Variants in EFL1 observed in about 807,000 individuals in gnomAD.
EFL1 encodes the protein elongation factor like GTPase 1, also known as elongation factor-like GTPase 1.
A neutral mutation model predicts 126.7 loss-of-function variants in EFL1; 76 were observed. The observed-to-expected ratio is 0.60, with a 90% CI of 0.50 to 0.73. The LOEUF is 0.73. Among genes scored for constraint, EFL1 ranks in the 30% least tolerant of loss-of-function variants. The pLI, the probability that EFL1 is intolerant of heterozygous loss-of-function variation, is 0.00. For synonymous variants in EFL1, 410 were observed against 448.4 expected, an observed-to-expected ratio of 0.91 and a Z score of 1.08; for missense variants, 1,128 against 1,343.2, an observed-to-expected ratio of 0.84 and a Z score of 2.50.
intron 19 of EFL1, 111 bp downstream of exon 19, chr15:82,138,547 C>T (rs1167474807): frequency 7.7e-7 from 1 of 1,293,158 alleles, no homozygotes; most frequent in African/African-American, 1.5e-5. Flanking sequence ...TGAGTTGAGC[C>T]ATAGGAAGGC....
chr15:82,245,139 ATAC>A lies in EFL1; in HGVS notation c.245-3739_245-3737del, dbSNP rs900279783. Among the ~76,000 whole-genome samples, 138 of 152,194 alleles carry A rather than the reference ATAC, an allele frequency of 9.1e-4. 3 individuals carry two copies. Among genetic ancestry groups the A allele is most frequent in the African/African-American group, 3.3e-3 (136 of 41,476 alleles). On this transcript the variant is annotated intron_variant, in intron 4 of 19. Coordinates refer to ENST00000268206, the MANE Select transcript of EFL1 (RefSeq NM_024580.6). ...AACCACAAGTCTCCCTCCACAGGAA[ATAC>A]TACTTTTTTTTGTTTTTTGTTTTTT... is the stretch of plus-strand genomic sequence containing the variant.
In EFL1 at chr15:82,130,285, T is replaced by C. The variant is rs2073623871; in HGVS notation, c.*88A>G. ...ATTGAAAGTGAATAAACAGAGATAA[T>C]GTGGCAAAAAGAAATTTTCCCAATA... On this transcript the variant is annotated 3_prime_UTR_variant, in exon 20 of 20. Transcript: ENST00000268206. The C allele has an allele frequency of 7.5e-7, 1 of 1,342,052 alleles. No individual in the cohort carries two copies. The highest frequency in any genetic ancestry group is 1.0e-6 in the Non-Finnish European group (1 of 984,376). 83.1% of individuals were successfully genotyped at this position (1,342,052 alleles called of 1,614,324 possible).
chr15:82,142,629 G>A (rs1303784013), intron 18 of EFL1, among the ~76,000 whole-genome samples: 2 of 152,176 alleles, frequency 1.3e-5, no homozygotes, highest in Non-Finnish European at 1.5e-5. Context: ...GTATTGATCA[G>A]TGCTCAACTG....
At chr15:82,214,549 T>A (rs1401692988) in intron 15 of EFL1, among the ~76,000 whole-genome samples, 168 bp downstream of exon 15, 4 of 152,190 alleles carry the variant, frequency 2.6e-5, no homozygotes, top group Non-Finnish European at 4.4e-5. Flanking sequence ...AGCAAGAAAC[T>A]GATCTCCATG....
chr15:82,240,046 A>G (rs1231672861), intron 6 of EFL1, among the ~76,000 whole-genome samples: 1 of 152,362 alleles, frequency 6.6e-6, no homozygotes, highest in Admixed American at 6.5e-5. Flanking sequence ...TCATTTATTC[A>G]ACATATATCT....
At chr15:82,247,500 G>A (rs2074983668) in intron 4 of EFL1, among the ~76,000 whole-genome samples, 1 of 152,098 alleles carries the variant, frequency 6.6e-6, no homozygotes, top group African/African-American at 2.4e-5. Flanking sequence ...AGTCTTGAAA[G>A]AAGAAGTTTG....
At chr15:82,170,573 T>TCC (rs2074125131) in intron 15 of EFL1, among the ~76,000 whole-genome samples, 2 of 152,252 alleles carry the variant, frequency 1.3e-5, no homozygotes, top group South Asian at 4.1e-4. Context: ...ACTTGAATGT[T>TCC]ATAAAGTTCT....
intron 19 of EFL1, among the ~76,000 whole-genome samples, chr15:82,132,304 CGCA>C (rs1044395513): frequency 8.5e-5 from 13 of 152,088 alleles, no homozygotes; most frequent in African/African-American, 3.1e-4. Context: ...CGAGACGCTT[CGCA>C]TCAGCAACAG....
intron 3 of EFL1, among the ~76,000 whole-genome samples, chr15:82,258,313 C>G (rs2075083654): frequency 6.6e-6 from 1 of 152,166 alleles, no homozygotes; most frequent in African/African-American, 2.4e-5. Context: ...AATTCCAGCA[C>G]TTTGGGAAGT....
At position 82,228,618 on chromosome 15, in the gene EFL1, T is replaced by C. The variant is rs111973253; in HGVS notation, c.933-291A>G. On this transcript the variant is annotated intron_variant, in intron 9 of 19. Coordinates refer to ENST00000268206, the MANE Select transcript of EFL1 (RefSeq NM_024580.6). ...TTACAAATAAGTGCTAACAAGTCAT[T>C]ATTCCATCTCAGGAATAACTTAGAA... Among the ~76,000 whole-genome samples the C allele has an allele frequency of 2.2e-4, 33 of 152,344 alleles. 1 individual carries two copies. Among genetic ancestry groups the C allele is most frequent in the African/African-American group, 7.7e-4 (32 of 41,588 alleles).
At position 82,151,670 on chromosome 15, in the gene EFL1, T is replaced by C. The variant is rs371159786; in HGVS notation, c.2784A>G (p.Gln928=). ...CCTCAGAGCAGCCATCTTGTAGCTC[T>C]TGGTTTTCATTTCCACCAGAACAGG... ...NETCSGGNEN[Q]ELQDGCSEAF... is the part of the protein sequence containing the mutation. Residue 928 remains glutamine, a synonymous_variant, in exon 18 of 20, where the codon CAA becomes CAG. Transcript: ENST00000268206. 6.1e-5 allele frequency: 98 copies of C among 1,614,094 alleles called. No individual in the cohort carries two copies. The highest frequency in any genetic ancestry group is 8.1e-5 in the Non-Finnish European group (96 of 1,180,040).
At chr15:82,179,457 A>C (rs2074226884) in intron 15 of EFL1, among the ~76,000 whole-genome samples, 1 of 152,130 alleles carries the variant, frequency 6.6e-6, no homozygotes, top group Non-Finnish European at 1.5e-5. Flanking sequence ...GATTGCACCT[A>C]CTTTACTAAT....
At chr15:82,211,621 A>C (rs1175940377) in intron 15 of EFL1, among the ~76,000 whole-genome samples, 4 of 67,514 alleles carry the variant, frequency 5.9e-5, no homozygotes, top group African/African-American at 1.2e-4. Flanking sequence ...CACACACACT[A>C]GACTCTCTGG....
chr15:82,177,566 T>C (rs566323021), intron 15 of EFL1, among the ~76,000 whole-genome samples: 1 of 152,334 alleles, frequency 6.6e-6, no homozygotes, highest in East Asian at 1.9e-4. Context: ...CCTGACATTG[T>C]GGTTCACATG....
intron 16 of EFL1, chr15:82,160,037 G>A (rs545429972): frequency 1.3e-5 from 2 of 152,426 alleles, no homozygotes; most frequent in Admixed American, 6.5e-5. Flanking sequence ...CTTGCCTCCT[G>A]ATATTCACAT....
intron 19 of EFL1, among the ~76,000 whole-genome samples, chr15:82,133,381 T>C (rs766566641): frequency 6.6e-6 from 1 of 152,236 alleles, no homozygotes; most frequent in Non-Finnish European, 1.5e-5. Context: ...GTAAAGCACC[T>C]GGCATATCCT....
Position 82,241,326 on chromosome 15 carries a change from G to A in EFL1, c.322C>T (p.Arg108Cys), listed in dbSNP as rs772344093. Reference protein sequence around the residue: ...DFSSEVSTAVRICDGCIIVVD... With the variant: ...DFSSEVSTAVCICDGCIIVVD... ...ACAATGATGCATCCATCACAAATGC[G>A]AACAGCGGTTGATACTTCTGAGGAA... Residue 108 changes from arginine (R) to cysteine (C), a missense_variant, in exon 5 of 20, where the codon CGC (arginine) becomes TGC (cysteine). Physicochemically the swap from Arg to Cys is radical, Grantham distance 180 (BLOSUM62 -3). This residue lies in a region of EFL1 where 118 missense variants were observed against 188.1 expected (regional missense o/e 0.63). Coordinates refer to ENST00000268206, the MANE Select transcript of EFL1 (RefSeq NM_024580.6). 3.1e-6 allele frequency: 5 copies of A among 1,613,824 alleles called. No individual in the cohort carries two copies. Among genetic ancestry groups the A allele is most frequent in the Admixed American group, 1.7e-5 (1 of 60,002 alleles).
intron 1 of EFL1, chr15:82,262,125 A>G (rs1331322750): frequency 1.0e-5 from 2 of 196,834 alleles, no homozygotes; most frequent in Non-Finnish European, 1.0e-5. Context: ...CTCCAGGCCA[A>G]TGACCACGTA....
In EFL1 at chr15:82,262,694, G is replaced by T. The variant is rs2141351253; in HGVS notation, c.-100C>A. ...GAGCTTCCGAAAGTCCGAGAGCTCT[G>T]CGGGTCCGACACGCCCGCGCGCCAG... On this transcript the variant is annotated 5_prime_UTR_variant, in exon 1 of 20. Transcript: ENST00000268206. 35 of 616,518 alleles carry T rather than the reference G, an allele frequency of 5.7e-5. No homozygotes were observed. The South Asian group carries it at 7.4e-4, about 13-fold the overall frequency. The allele number at this position is 616,518 out of a possible 1,614,324, so 38.2% of individuals were successfully genotyped here. A position where few individuals can be genotyped will look rare whatever the true frequency, so the allele number is the denominator to read the frequency against.
Sources: allele counts gnomAD v4.1 joint callset (sites outside exome capture counted in the v4.1 genomes callset), GRCh38; gene constraint gnomAD v4.1.1; regional missense constraint gnomAD v4.1.1; transcripts MANE v1.5; gene names NCBI Gene and HGNC (gene_info 2026-07-23, HGNC 2026-07-21).